The following LURAP1L variants were observed in gnomAD, a reference collection of about 807,000 sequenced individuals.
LURAP1L encodes the protein leucine rich adaptor protein 1-like.
Under a neutral mutation model 13.8 loss-of-function variants are expected in LURAP1L, and 12 were observed. That is an observed-to-expected ratio of 0.87 (90% CI 0.56 to 1.41). The LOEUF (loss-of-function observed/expected upper bound fraction) is 1.41. Among genes scored for constraint, LURAP1L ranks in the 40% most tolerant of loss-of-function variants. LURAP1L has a pLI of 0.00. For missense variants in LURAP1L, 375 were observed against 292.9 expected, an observed-to-expected ratio of 1.28 and a Z score of -2.04; for synonymous variants, 139 against 119.2, an observed-to-expected ratio of 1.17 and a Z score of -1.08.
Position 12,803,621 on chromosome 9 carries a change from G to A in LURAP1L, c.313-17765G>A, listed in dbSNP as rs1272359453. On this transcript the variant is annotated intron_variant, in intron 1 of 1. Transcript: ENST00000319264. Reference sequence around the variant, plus strand: ...TTCAAAGGAGAGCAAACTCTCACATGTCCAGGTAAAATTGTCTACATTAAT... The same window carrying A: ...TTCAAAGGAGAGCAAACTCTCACATATCCAGGTAAAATTGTCTACATTAAT... 1.3e-5 allele frequency among the ~76,000 whole-genome samples: 2 copies of A among 152,182 alleles called. 1 individual carries two copies. Among genetic ancestry groups the A allele is most frequent in the South Asian group, 4.1e-4 (2 of 4,830 alleles).
At chr9:12,792,526 T>G (rs1284567831) in intron 1 of LURAP1L, among the ~76,000 whole-genome samples, 1 of 152,106 alleles carries the variant, frequency 6.6e-6, no homozygotes, top group African/African-American at 2.4e-5. Flanking sequence ...TTGCAGCATA[T>G]ATTTGCTAGG....
intron 1 of LURAP1L, among the ~76,000 whole-genome samples, chr9:12,789,378 T>C (rs1055367463): frequency 4.6e-5 from 7 of 152,196 alleles, no homozygotes; most frequent in African/African-American, 1.7e-4. Flanking sequence ...CAGAATTTTT[T>C]CTACCCTTTC....
intron 1 of LURAP1L, among the ~76,000 whole-genome samples, chr9:12,794,413 A>T (rs540979823): frequency 5.3e-5 from 8 of 152,172 alleles, no homozygotes; most frequent in Non-Finnish European, 1.0e-4. Flanking sequence ...ATAACTTGAA[A>T]AACTTACCCT....
chr9:12,815,681 G>A (rs1308512010), intron 1 of LURAP1L, among the ~76,000 whole-genome samples: 3 of 152,054 alleles, frequency 2.0e-5, no homozygotes, highest in Admixed American at 6.6e-5. Flanking sequence ...TAAATAAAAG[G>A]GTAACAATAA....
intron 1 of LURAP1L, among the ~76,000 whole-genome samples, chr9:12,793,629 A>T (rs1379110004): frequency 6.6e-6 from 1 of 152,106 alleles, no homozygotes; most frequent in Non-Finnish European, 1.5e-5. Flanking sequence ...TTGAAATCTT[A>T]TGGGGATTCA....
At chr9:12,821,320 G>T in intron 1 of LURAP1L, 66 bp from the exon 2 acceptor site, 1 of 1,518,916 alleles carries the variant, frequency 6.6e-7, no homozygotes, top group South Asian at 1.3e-5. Context: ...ACAGTCCCCA[G>T]ATGAATTTGA....
At position 12,822,582 on chromosome 9, in the gene LURAP1L, C is replaced by T. The variant is rs961526170; in HGVS notation, c.*822C>T. Among the ~76,000 whole-genome samples, 5 of 152,078 alleles carry T rather than the reference C, an allele frequency of 3.3e-5. No individual in the cohort carries two copies. Among genetic ancestry groups the T allele is most frequent in the African/African-American group, 9.7e-5 (4 of 41,418 alleles). On this transcript the variant is annotated 3_prime_UTR_variant, in exon 2 of 2. Transcript: ENST00000319264. ...GTGATTCTGATAGGATGTATAAATA[C>T]TTAGATGCATACAAGCCGATGGATA...
At chr9:12,806,389 T>C (rs980439202) in intron 1 of LURAP1L, among the ~76,000 whole-genome samples, 9 of 152,152 alleles carry the variant, frequency 5.9e-5, no homozygotes, top group African/African-American at 1.9e-4. Context: ...TATCTTTTTT[T>C]TTTTCTTTTC....
chr9:12,794,399 T>A (rs1819485193), intron 1 of LURAP1L, among the ~76,000 whole-genome samples: 1 of 152,060 alleles, frequency 6.6e-6, no homozygotes, highest in Non-Finnish European at 1.5e-5. Context: ...GTCAACAAGA[T>A]CAAATAACTT....
Position 12,821,411 on chromosome 9 carries a change from G to T in LURAP1L, c.338G>T (p.Arg113Met), listed in dbSNP as rs1325737471. 1 of 1,613,842 alleles carries T rather than the reference G, an allele frequency of 6.2e-7. No individual in the cohort carries two copies. The highest frequency in any genetic ancestry group is 2.2e-5 in the East Asian group (1 of 44,890). Reference sequence around the variant, plus strand: ...GTTAACCTCAGAGCCACAGACGTCAGGCTCATGCGCCAGTTGCTTGTAATC... The same window carrying T: ...GTTAACCTCAGAGCCACAGACGTCATGCTCATGCGCCAGTTGCTTGTAATC... ...EMVNLRATDV[R>M]LMRQLLVINE... The change falls in exon 2 of 2, where the codon AGG (arginine) becomes ATG (methionine). Residue 113 changes from arginine to methionine, a missense_variant. Coordinates refer to ENST00000319264, the MANE Select transcript of LURAP1L (RefSeq NM_203403.2).
intron 1 of LURAP1L, among the ~76,000 whole-genome samples, chr9:12,779,757 C>T (rs1819244094): frequency 1.3e-5 from 2 of 152,052 alleles, no homozygotes; most frequent in South Asian, 4.2e-4. Flanking sequence ...CATGTGGACA[C>T]CTAGGAACAA....
Position 12,775,091 on chromosome 9 carries a change from TGCTAA to T in LURAP1L, c.-619_-615del, listed in dbSNP as rs1819146878. On this transcript the variant is annotated 5_prime_UTR_variant, in exon 1 of 2. The change abolishes the stop of an existing upstream ORF in the 5' untranslated region. Coordinates refer to ENST00000319264, the MANE Select transcript of LURAP1L (RefSeq NM_203403.2). ...TGCATCAAGGAAGCCGTTAAACTCC[TGCTAA>T]GCTAACTAGCTCTTTTTTATGGGTC... The T allele has an allele frequency of 6.6e-6, 1 of 152,250 alleles. No individual in the cohort carries two copies. The highest frequency in any genetic ancestry group is 2.4e-5 in the African/African-American group (1 of 41,444). The allele number at this position is 152,250 out of a possible 1,614,324, so 9.4% of individuals were successfully genotyped here.
In LURAP1L at chr9:12,822,019, GA is replaced by G. The variant is rs1819888774; in HGVS notation, c.*263del. 1 of 366,204 alleles carries G rather than the reference GA, an allele frequency of 2.7e-6. No individual in the cohort carries two copies. Among genetic ancestry groups the G allele is most frequent in the Non-Finnish European group, 4.9e-6 (1 of 205,436 alleles). The allele number at this position is 366,204 out of a possible 1,614,324, so 22.7% of individuals were successfully genotyped here. ...TACAGTAGCACAAACAAAGTAGGGG[GA>G]AAAGAATAAGCAATAATTATGTTTT... On this transcript the variant is annotated 3_prime_UTR_variant, in exon 2 of 2. Coordinates refer to ENST00000319264, the MANE Select transcript of LURAP1L (RefSeq NM_203403.2).
rs536098954 is a variant in LURAP1L at position 12,778,725 on chromosome 9, G to C, written c.312+2698G>C. Among the ~76,000 whole-genome samples the C allele has an allele frequency of 8.0e-4, 122 of 152,174 alleles. 1 individual carries two copies. The highest frequency in any genetic ancestry group is 1.1e-3 in the Non-Finnish European group (74 of 68,026). On this transcript the variant is annotated intron_variant, in intron 1 of 1. Coordinates refer to ENST00000319264, the MANE Select transcript of LURAP1L (RefSeq NM_203403.2). ...TAGCTTCAGTTCAACTGGAAATCTT[G>C]ATTTTTATTTTAAATTTAACTTTTA... is the stretch of plus-strand genomic sequence containing the variant.
Position 12,821,543 on chromosome 9 carries a change from G to T in LURAP1L, c.470G>T (p.Ser157Ile), listed in dbSNP as rs764800272. The change falls in exon 2 of 2, where the codon AGC becomes ATC. Residue 157 changes from serine to isoleucine, a missense_variant. Ser to Ile is a moderately radical substitution (Grantham distance 142). Transcript: ENST00000319264. Reference protein sequence around the residue: ...GSLCSLLESQSTSLRGSYNSL... With the variant: ...GSLCSLLESQITSLRGSYNSL... Reference sequence around the variant, plus strand: ...CTGTGCAGTTTGTTGGAGAGTCAGAGCACCTCCTTACGTGGCAGCTACAAC... The same window carrying T: ...CTGTGCAGTTTGTTGGAGAGTCAGATCACCTCCTTACGTGGCAGCTACAAC... 1 of 1,614,154 alleles carries T rather than the reference G, an allele frequency of 6.2e-7. No homozygotes were observed. The highest frequency in any genetic ancestry group is 2.2e-5 in the East Asian group (1 of 44,876).
intron 1 of LURAP1L, among the ~76,000 whole-genome samples, chr9:12,807,118 T>TATATATATATATATATATA (rs1563896115): frequency 6.7e-5 from 9 of 133,702 alleles, no homozygotes; most frequent in Non-Finnish European, 1.2e-4. Context: ...TATATATATA[T>TATATATATATATATATATA]TAGCCGGGCG....
intron 1 of LURAP1L, chr9:12,777,691 C>A: frequency 1.8e-6 from 1 of 570,396 alleles, no homozygotes; most frequent in Non-Finnish European, 2.2e-6. Flanking sequence ...GTAACATTTC[C>A]AAAAACCGAT....
chr9:12,791,218 T>C (rs765693893), intron 1 of LURAP1L, among the ~76,000 whole-genome samples: 1 of 152,180 alleles, frequency 6.6e-6, no homozygotes, highest in Non-Finnish European at 1.5e-5. Flanking sequence ...TCCAGAATTA[T>C]AATGAATTTT....
intron 1 of LURAP1L, among the ~76,000 whole-genome samples, chr9:12,784,217 G>T (rs1441210613): frequency 1.3e-5 from 2 of 152,058 alleles, no homozygotes; most frequent in African/African-American, 4.8e-5. Flanking sequence ...AGTTCATTTG[G>T]TGAGGTCATG....
Sources: gnomAD v4.1 joint callset for allele counts (sites outside exome capture counted in the v4.1 genomes callset) on GRCh38, gnomAD v4.1.1 for gene constraint, MANE v1.5 for transcripts, NCBI Gene and HGNC (gene_info 2026-07-23, HGNC 2026-07-21) for gene names.